Variants in CCDC146 observed in about 807,000 individuals in gnomAD.
CCDC146 encodes coiled-coil domain-containing protein 146.
CCDC146 carries 92 observed loss-of-function variants against 119.3 expected under a neutral mutation model. That is an observed-to-expected ratio of 0.77 (90% CI 0.65 to 0.92). The LOEUF is 0.92. CCDC146 is among the 40% of genes least tolerant of loss of function. The pLI, the probability that CCDC146 is intolerant of heterozygous loss-of-function variation, is 0.00. For missense variants in CCDC146, 1,000 were observed against 1,103.0 expected, an observed-to-expected ratio of 0.91 and a Z score of 1.32; for synonymous variants, 372 against 371.8, an observed-to-expected ratio of 1.00 and a Z score of -0.01.
At chr7:77,254,466 T>C in intron 4 of CCDC146, 40 bp from the exon 5 acceptor site, 2 of 1,149,566 alleles carry the variant, frequency 1.7e-6, no homozygotes, top group Non-Finnish European at 2.5e-6. Context: ...AAGAGCTTAT[T>C]TCTTTGTACT....
chr7:77,249,517 A>G (rs1367909754), intron 4 of CCDC146, among the ~76,000 whole-genome samples: 1 of 148,348 alleles, frequency 6.7e-6, no homozygotes, highest in Non-Finnish European at 1.5e-5. Flanking sequence ...AGAATTCATT[A>G]GGTCTTCTCA....
chr7:77,246,783 C>G (rs1337781947), intron 4 of CCDC146, among the ~76,000 whole-genome samples: 2 of 152,170 alleles, frequency 1.3e-5, no homozygotes, highest in African/African-American at 4.8e-5. Flanking sequence ...TTAGCTTTGA[C>G]TGTGTGACTT....
chr7:77,264,251 A>T (rs1793357930), intron 9 of CCDC146, among the ~76,000 whole-genome samples: 1 of 151,726 alleles, frequency 6.6e-6, no homozygotes, highest in Admixed American at 6.6e-5. Flanking sequence ...GGTATTATTT[A>T]CTTTGATTTT....
intron 2 of CCDC146, among the ~76,000 whole-genome samples, chr7:77,174,551 C>T (rs1181653113): frequency 6.6e-5 from 10 of 152,176 alleles, no homozygotes; most frequent in South Asian, 4.2e-4. Context: ...TGCAGGTTGT[C>T]GGGTTGATGC....
At position 77,274,511 on chromosome 7, in the gene CCDC146, A is replaced by T; in HGVS notation, c.1299A>T (p.Leu433Phe). 6.3e-7 allele frequency: 1 copy of T among 1,598,804 alleles called. No homozygotes were observed. Among genetic ancestry groups the T allele is most frequent in the Non-Finnish European group, 8.5e-7 (1 of 1,172,910 alleles). The change falls in exon 11 of 19, where the codon TTA becomes TTT. Residue 433 changes from leucine to phenylalanine, a missense_variant. Around this residue, in one of 2 missense-constraint regions of CCDC146, gnomAD observed 985 missense variants for 1,045.3 expected, o/e 0.94. Transcript: ENST00000285871. ...TTATATCAGAAATGGAGTCTAAGTT[A>T]GTAGAACAACAACTTGCAGAAGAAA... is the stretch of plus-strand genomic sequence containing the variant. Reference protein sequence around the residue: ...QKIISEMESKLVEQQLAEENK... With the variant: ...QKIISEMESKFVEQQLAEENK...
At chr7:77,262,653 C>T (rs957019149) in intron 9 of CCDC146, among the ~76,000 whole-genome samples, 1 of 152,100 alleles carries the variant, frequency 6.6e-6, no homozygotes, top group East Asian at 1.9e-4. Flanking sequence ...GAGTCAGATC[C>T]GGCATGGTGT....
chr7:77,240,120 A>T (rs1423928492), intron 3 of CCDC146, among the ~76,000 whole-genome samples: 1 of 152,250 alleles, frequency 6.6e-6, no homozygotes. Flanking sequence ...ACAAGAATTC[A>T]AGAGAGCTAG....
At chr7:77,167,305 G>A (rs1791351071) in intron 1 of CCDC146, among the ~76,000 whole-genome samples, 1 of 152,056 alleles carries the variant, frequency 6.6e-6, no homozygotes, top group Non-Finnish European at 1.5e-5. Flanking sequence ...TAGGATAGCT[G>A]GAGAGGTTTC....
chr7:77,272,700 G>C (rs141301309), intron 9 of CCDC146, among the ~76,000 whole-genome samples: 1 of 152,114 alleles, frequency 6.6e-6, no homozygotes. Flanking sequence ...CCCATCAGCT[G>C]CCACATGTCC....
intron 11 of CCDC146, among the ~76,000 whole-genome samples, chr7:77,278,531 G>A (rs979100901): frequency 2.1e-5 from 3 of 141,684 alleles, no homozygotes. Flanking sequence ...CTGCAGCCTC[G>A]AATTCTTGGG....
intron 3 of CCDC146, among the ~76,000 whole-genome samples, chr7:77,239,608 G>A (rs772987359): frequency 4.6e-5 from 7 of 152,246 alleles, no homozygotes; most frequent in Non-Finnish European, 8.8e-5. Context: ...GGAACTTGAA[G>A]ATTTATCTTG....
intron 2 of CCDC146, chr7:77,197,127 A>G: frequency 3.3e-6 from 2 of 614,808 alleles, no homozygotes; most frequent in Non-Finnish European, 5.6e-6. Context: ...GAACCTGTTT[A>G]GCAAATGCTT....
intron 11 of CCDC146, among the ~76,000 whole-genome samples, chr7:77,278,303 C>T (rs1387412192): frequency 2.0e-5 from 3 of 152,270 alleles, no homozygotes; most frequent in Admixed American, 6.5e-5. Flanking sequence ...TCTCTTCTCT[C>T]GTTTGTTCTC....
chr7:77,131,921 T>G (rs1238399662), intron 1 of CCDC146, among the ~76,000 whole-genome samples: 2 of 152,236 alleles, frequency 1.3e-5, no homozygotes, highest in Admixed American at 6.5e-5. Context: ...GGGTACTGCA[T>G]GAAAGAATTT....
intron 10 of CCDC146, 50 bp from the exon 11 acceptor site, chr7:77,274,432 A>G (rs1325192523): frequency 1.6e-6 from 2 of 1,223,992 alleles, no homozygotes; most frequent in Non-Finnish European, 2.3e-6. Flanking sequence ...GCTTTACTGT[A>G]TTACTTCAAA....
intron 16 of CCDC146, 36 bp downstream of exon 16, chr7:77,286,962 C>A (rs1160254725): frequency 1.2e-6 from 2 of 1,610,828 alleles, no homozygotes; most frequent in Non-Finnish European, 1.7e-6. Flanking sequence ...TCTGTTAGCT[C>A]CTCGTTGATG....
At chr7:77,192,732 G>A (rs1791791629) in intron 2 of CCDC146, among the ~76,000 whole-genome samples, 1 of 152,074 alleles carries the variant, frequency 6.6e-6, no homozygotes. Flanking sequence ...AGACCATCCT[G>A]GCTAACATGG....
intron 9 of CCDC146, among the ~76,000 whole-genome samples, chr7:77,271,295 C>T (rs559378415): frequency 1.3e-4 from 19 of 151,126 alleles, no homozygotes; most frequent in African/African-American, 4.4e-4. Context: ...AATGAGAGAC[C>T]GGCCTAGCCT....
chr7:77,294,846 A>T lies in CCDC146; in HGVS notation c.2848A>T (p.Ile950Leu). The T allele has an allele frequency of 6.2e-7, 1 of 1,613,932 alleles. No individual in the cohort carries two copies. The highest frequency in any genetic ancestry group is 8.5e-7 in the Non-Finnish European group (1 of 1,179,980). Residue 950 changes from isoleucine (I) to leucine (L), a missense_variant, in exon 19 of 19, where the codon ATA becomes TTA. Transcript: ENST00000285871. ...ANMRHIRKPV[I>L]KPVEI ...TATGAGGCACATAAGGAAACCTGTTATAAAGCCAGTTGAAATCTGAATATG... is the reference window on the plus strand; with the variant it reads ...TATGAGGCACATAAGGAAACCTGTTTTAAAGCCAGTTGAAATCTGAATATG...
Sources: gnomAD v4.1 joint callset for allele counts (sites outside exome capture counted in the v4.1 genomes callset) on GRCh38, gnomAD v4.1.1 for gene constraint, gnomAD v4.1.1 regional missense constraint, MANE v1.5 for transcripts, NCBI Gene and HGNC (gene_info 2026-07-23, HGNC 2026-07-21) for gene names.